The following PAK4 variants were observed in gnomAD, a reference collection of about 807,000 sequenced individuals.
PAK4 encodes p21 (RAC1) activated kinase 4.
A neutral mutation model predicts 53.5 loss-of-function variants in PAK4; 49 were observed. The observed-to-expected ratio is 0.92, with a 90% CI of 0.73 to 1.16. The LOEUF (loss-of-function observed/expected upper bound fraction) is 1.16. Ranked by LOEUF, PAK4 falls within the 50% of genes most tolerant of loss-of-function variation. PAK4 has a pLI of 0.00. For missense variants in PAK4, 824 were observed against 850.7 expected (o/e 0.97, Z 0.39); for synonymous variants, 376 against 375.6 (o/e 1.00, Z -0.01).
chr19:39,137,315 CT>C (rs2073833326), intron 1 of PAK4, among the ~76,000 whole-genome samples: 1 of 152,064 alleles, frequency 6.6e-6, no homozygotes, highest in Admixed American at 6.5e-5. Context: ...CTGGTGTGAC[CT>C]TGGGCCCGGG....
chr19:39,148,345 G>A (rs908173871), intron 1 of PAK4, among the ~76,000 whole-genome samples: 35 of 151,508 alleles, frequency 2.3e-4, no homozygotes, highest in African/African-American at 8.0e-4. Context: ...CTTTTCATAC[G>A]GACTTTTGCA....
chr19:39,141,785 G>A (rs1292547812), intron 1 of PAK4, among the ~76,000 whole-genome samples: 3 of 152,016 alleles, frequency 2.0e-5, no homozygotes, highest in Non-Finnish European at 4.4e-5. Context: ...ACAGGCGCCC[G>A]CCACCACGCC....
intron 1 of PAK4, among the ~76,000 whole-genome samples, chr19:39,127,309 G>A (rs2073604883): frequency 6.6e-6 from 1 of 151,900 alleles, no homozygotes; most frequent in Non-Finnish European, 1.5e-5. Context: ...CCAACTCCAG[G>A]CCCATGCCTC....
rs755817911 is a variant in PAK4, at chr19:39,173,108, C to G, written c.395C>G (p.Ala132Gly). The G allele has an allele frequency of 3.2e-6, 5 of 1,547,780 alleles. No homozygotes were observed. The highest frequency in any genetic ancestry group is 4.4e-6 in the Non-Finnish European group (5 of 1,146,032). The change falls in exon 3 of 9, where the codon GCA becomes GGA. Residue 132 changes from alanine to glycine, a missense_variant. Physicochemically the swap from Ala to Gly is moderately conservative, Grantham distance 60 (BLOSUM62 0). Around this residue, in one of 2 missense-constraint regions of PAK4, gnomAD observed 478 missense variants for 435.8 expected, o/e 1.10. Transcript: ENST00000358301. The surrounding 1 kb of genome is among the most constrained non-coding windows in gnomAD (Gnocchi z 6.9). ...ACGGCCAGAGGGGGCCCAGGGAAGGCAGGCAGCCGAGGCCGGTTCGCCGGT... is the reference window on the plus strand; with the variant it reads ...ACGGCCAGAGGGGGCCCAGGGAAGGGAGGCAGCCGAGGCCGGTTCGCCGGT...
chr19:39,129,705 T>A (rs2073664578), intron 1 of PAK4, among the ~76,000 whole-genome samples: 1 of 122,406 alleles, frequency 8.2e-6, no homozygotes, highest in Admixed American at 1.1e-4. Context: ...TCGTCCCCAC[T>A]GACTCCCTAC....
At chr19:39,171,616 G>A (rs1321208359) in intron 2 of PAK4, among the ~76,000 whole-genome samples, 2 of 152,238 alleles carry the variant, frequency 1.3e-5, no homozygotes, top group African/African-American at 2.4e-5. Context: ...ACAGGGCAGC[G>A]GCAGACCACG....
In PAK4 at chr19:39,175,533, G is replaced by T; in HGVS notation, c.1359+95G>T. The T allele has an allele frequency of 7.6e-7, 1 of 1,323,824 alleles. No homozygotes were observed. The highest frequency in any genetic ancestry group is 1.4e-5 in the South Asian group (1 of 72,300). The allele number at this position is 1,323,824 out of a possible 1,614,324, so 82.0% of individuals were successfully genotyped here. ...TCCCCTGTGAGGGTAGGTGAGCTCT[G>T]ACCCCCAGGTCTGTGTCTTGAGGAG... On this transcript the variant is annotated intron_variant, in intron 6 of 8. Coordinates refer to ENST00000358301, the Ensembl canonical transcript of PAK4. This position sits in a 1 kb window ranked among gnomAD's most constrained non-coding sequence, Gnocchi z 4.7.
At chr19:39,176,638 C>G (rs1486760526) in exon 7 of PAK4, 2 of 1,613,642 alleles carry the variant, frequency 1.2e-6, no homozygotes, top group Non-Finnish European at 1.7e-6. Context: ...CAAGGAAGTG[C>G]CCCGAAGGAA....
chr19:39,161,581 CTG>C lies in PAK4; in HGVS notation c.-22-7949_-22-7948del, dbSNP rs888909052. On this transcript the variant is annotated intron_variant, in intron 1 of 8. Transcript: ENST00000358301. The surrounding 1 kb of genome is among the most constrained non-coding windows in gnomAD (Gnocchi z 4.5). ...CCCCTTTCCGTTCTGCCCCCACAGA[CTG>C]TTCCCAGCCAGTGGGAGCCTGTGAA... 1.3e-5 allele frequency among the ~76,000 whole-genome samples: 2 copies of C among 152,050 alleles called. No individual in the cohort carries two copies. Among genetic ancestry groups the C allele is most frequent in the Non-Finnish European group, 1.5e-5 (1 of 67,996 alleles).
chr19:39,166,029 GT>G (rs2074370100), intron 1 of PAK4, among the ~76,000 whole-genome samples: 2 of 152,212 alleles, frequency 1.3e-5, no homozygotes, highest in South Asian at 4.1e-4. Context: ...TACTCAGTAA[GT>G]GCTGGCTGCT....
chr19:39,147,516 A>G (rs1425806471), intron 1 of PAK4, among the ~76,000 whole-genome samples: 1 of 152,232 alleles, frequency 6.6e-6, no homozygotes, highest in Non-Finnish European at 1.5e-5. Context: ...GCCAATACCC[A>G]GAGGTACAAT....
rs74176491 is a variant in PAK4, at chr19:39,148,466, C to CT, written c.-22-21045dup. 2.3e-3 allele frequency among the ~76,000 whole-genome samples: 129 copies of CT among 56,792 alleles called. 28 individuals carry two copies. Among genetic ancestry groups the CT allele is most frequent in the South Asian group, 0.016 (17 of 1,048 alleles). 37.3% of individuals were successfully genotyped at this position (56,792 alleles called of 152,430 possible). On this transcript the variant is annotated intron_variant, in intron 1 of 8. Transcript: ENST00000358301. ...TTAGGTACCAAATAAGTTTCTTCTG[C>CT]TTTTTTTTTTTTTTTTTTTTTGAGA... is the stretch of plus-strand genomic sequence containing the variant.
intron 2 of PAK4, among the ~76,000 whole-genome samples, chr19:39,170,457 C>T (rs982051725): frequency 1.3e-5 from 2 of 152,212 alleles, no homozygotes; most frequent in Non-Finnish European, 2.9e-5. Context: ...CCTCTGCTGC[C>T]TCCATGTGAA....
In PAK4 at chr19:39,172,909, G is replaced by A; in HGVS notation, c.205-9G>A. ...CTGGGCCCCCACCCACCATTGCCTG[G>A]GACCCCAGACCATCGTGCGGGGCAG... is the stretch of plus-strand genomic sequence containing the variant. On this transcript the variant is annotated splice_polypyrimidine_tract_variant and intron_variant, in intron 2 of 8. Transcript: ENST00000358301. 6.6e-7 allele frequency: 1 copy of A among 1,519,096 alleles called. No individual in the cohort carries two copies. Among genetic ancestry groups the A allele is most frequent in the Non-Finnish European group, 8.9e-7 (1 of 1,125,782 alleles). 94.1% of individuals were successfully genotyped at this position (1,519,096 alleles called of 1,614,324 possible).
chr19:39,178,571 A>C lies in PAK4; in HGVS notation c.1768A>C (p.Thr590Pro). The change falls in exon 9 of 9, where the codon ACC becomes CCC. Residue 590 changes from threonine to proline, a missense_variant. Thr to Pro is a conservative substitution (Grantham distance 38). Transcript: ENST00000358301. This position sits in a 1 kb window ranked among gnomAD's most constrained non-coding sequence, Gnocchi z 4.4. ...CGTGCCCCTCATGCGCCAGAACCGC[A>C]CCAGATGAGGCCCAGCGCCCTTCCC... is the stretch of plus-strand genomic sequence containing the variant. 1.9e-6 allele frequency: 3 copies of C among 1,596,572 alleles called. No homozygotes were observed. The highest frequency in any genetic ancestry group is 2.6e-6 in the Non-Finnish European group (3 of 1,170,066).
In PAK4 at chr19:39,173,630, C is replaced by A. The variant is rs925592519; in HGVS notation, c.718C>A (p.Pro240Thr). ...GCCATCAGCGGGGGGCCTGGCCATC[C>A]CCCAGTCCTCCTCCTCCTCCTCCCG... Residue 240 changes from proline (P) to threonine (T), a missense_variant, in exon 4 of 9, where the codon CCC becomes ACC. By Grantham distance (38) the Pro-to-Thr change is conservative (BLOSUM62 -1). Coordinates refer to ENST00000358301, the Ensembl canonical transcript of PAK4. The surrounding 1 kb of genome is among the most constrained non-coding windows in gnomAD (Gnocchi z 6.9). The A allele has an allele frequency of 2.6e-6, 4 of 1,559,932 alleles. No individual in the cohort carries two copies. In the South Asian group the frequency reaches 4.9e-5, roughly 19 times the overall value.
rs775774944 is a variant in PAK4 at position 39,173,140 on chromosome 19, G to A, written c.427G>A (p.Glu143Lys). Residue 143 changes from glutamate (E) to lysine (K), a missense_variant, in exon 3 of 9, where the codon GAG (glutamate) becomes AAG (lysine). Transcript: ENST00000358301. The surrounding 1 kb of genome is among the most constrained non-coding windows in gnomAD (Gnocchi z 6.9). ...CCGAGGCCGGTTCGCCGGTCACAGC[G>A]AGGCGGGTGGCGGCAGTGGTGACAG... is the stretch of plus-strand genomic sequence containing the variant. 51 of 1,543,638 alleles carry A rather than the reference G, an allele frequency of 3.3e-5. No homozygotes were observed. The highest frequency in any genetic ancestry group is 1.2e-4 in the East Asian group (5 of 40,790).
chr19:39,154,038 C>T (rs985366407), intron 1 of PAK4, among the ~76,000 whole-genome samples: 2 of 152,180 alleles, frequency 1.3e-5, no homozygotes, highest in African/African-American at 4.8e-5. Flanking sequence ...TGTGTGGCGT[C>T]TTCTTTGATG....
chr19:39,130,802 A>G (rs2073695423), intron 1 of PAK4, among the ~76,000 whole-genome samples: 1 of 151,450 alleles, frequency 6.6e-6, no homozygotes, highest in Non-Finnish European at 1.5e-5. Flanking sequence ...TTCTGTGCAT[A>G]ATGGGAAGTC....
Sources: allele counts gnomAD v4.1 joint callset (sites outside exome capture counted in the v4.1 genomes callset), GRCh38; gene constraint gnomAD v4.1.1; regional missense constraint gnomAD v4.1.1; non-coding constraint Gnocchi (gnomAD v3.1); transcripts MANE v1.5; gene names NCBI Gene and HGNC (gene_info 2026-07-23, HGNC 2026-07-21).